MYO1D: variants seen among roughly 807,000 people sequenced by gnomAD.
The protein encoded by MYO1D is myosin ID.
In MYO1D, 83 loss-of-function variants were observed where a neutral mutation model predicts 122.0. The ratio of observed to expected loss-of-function variants is 0.68; its 90% CI spans 0.57 to 0.82. The LOEUF (loss-of-function observed/expected upper bound fraction) is 0.82, where lower values mean the gene tolerates loss of function less well. Ranked by LOEUF, MYO1D falls within the 40% of genes least tolerant of loss-of-function variation. The pLI, the probability that MYO1D is intolerant of heterozygous loss-of-function variation, is 0.00. For missense variants in MYO1D, 1,157 were observed against 1,269.5 expected, an observed-to-expected ratio of 0.91 and a Z score of 1.35; for synonymous variants, 464 against 446.9, an observed-to-expected ratio of 1.04 and a Z score of -0.48.
intron 21 of MYO1D, among the ~76,000 whole-genome samples, chr17:32,511,446 C>A (rs1009441582): frequency 3.3e-5 from 5 of 152,028 alleles, no homozygotes; most frequent in Non-Finnish European, 7.4e-5. Flanking sequence ...CCTGGTCTTG[C>A]CCAGGCTGGT....
At chr17:32,722,734 G>A (rs913617712) in intron 14 of MYO1D, among the ~76,000 whole-genome samples, 1 of 152,132 alleles carries the variant, frequency 6.6e-6, no homozygotes, top group African/African-American at 2.4e-5. Context: ...GGATGACTAT[G>A]GTATAGTAAT....
intron 21 of MYO1D, among the ~76,000 whole-genome samples, chr17:32,564,837 T>C (rs1178944723): frequency 6.6e-6 from 1 of 152,196 alleles, no homozygotes; most frequent in African/African-American, 2.4e-5. Context: ...CCATCAGGCC[T>C]GTCTGCATTT....
In MYO1D at chr17:32,591,462, C is replaced by G. The variant is rs146050731; in HGVS notation, c.2864+13625G>C. Reference sequence around the variant, plus strand: ...GAATGACAGGCGGCTCTTTCTAGGACAAGTGGATGTGGTAAACAGGATCCT... The same window carrying G: ...GAATGACAGGCGGCTCTTTCTAGGAGAAGTGGATGTGGTAAACAGGATCCT... On this transcript the variant is annotated intron_variant, in intron 21 of 21. Coordinates refer to ENST00000318217, the MANE Select transcript of MYO1D (RefSeq NM_015194.3). Among the ~76,000 whole-genome samples, 431 of 152,224 alleles carry G rather than the reference C, an allele frequency of 2.8e-3. 4 individuals carry two copies. The highest frequency in any genetic ancestry group is 2.7e-3 in the Non-Finnish European group (184 of 68,002).
chr17:32,535,918 T>C (rs1221731943), intron 21 of MYO1D, among the ~76,000 whole-genome samples: 1 of 152,242 alleles, frequency 6.6e-6, no homozygotes, highest in Non-Finnish European at 1.5e-5. Flanking sequence ...CTTAACTCTA[T>C]TCCTGCAGAG....
intron 16 of MYO1D, among the ~76,000 whole-genome samples, chr17:32,703,581 AT>A (rs777768302): frequency 2.6e-5 from 4 of 151,862 alleles, no homozygotes; most frequent in African/African-American, 4.8e-5. Context: ...GTGCCTGGCT[AT>A]TGACGATTTT....
At chr17:32,742,940 A>C (rs1253500409) in intron 13 of MYO1D, among the ~76,000 whole-genome samples, 1 of 152,248 alleles carries the variant, frequency 6.6e-6, no homozygotes, top group Non-Finnish European at 1.5e-5. Context: ...TGTTGTCAAG[A>C]GTCCCACTGA....
chr17:32,777,851 A>C (rs1227518635), intron 3 of MYO1D, among the ~76,000 whole-genome samples: 1 of 152,072 alleles, frequency 6.6e-6, no homozygotes, highest in Non-Finnish European at 1.5e-5. Context: ...GGAGAATGGC[A>C]TGAACCCGGG....
At chr17:32,689,807 C>T (rs895492315) in intron 16 of MYO1D, among the ~76,000 whole-genome samples, 1 of 152,044 alleles carries the variant, frequency 6.6e-6, no homozygotes, top group Non-Finnish European at 1.5e-5. Flanking sequence ...CAACCTCTGC[C>T]TCCTGGGTTC....
chr17:32,781,191 ACATTT>A (rs2090233666), intron 1 of MYO1D, among the ~76,000 whole-genome samples: 2 of 152,226 alleles, frequency 1.3e-5, no homozygotes, highest in Admixed American at 1.3e-4. Context: ...ACTGTCATAT[ACATTT>A]ATTTTTTTCT....
intron 21 of MYO1D, among the ~76,000 whole-genome samples, chr17:32,565,029 C>CT (rs140595748): frequency 0.46 from 70,278 of 151,658 alleles, 16,580 homozygotes; most frequent in African/African-American, 0.55. Context: ...TTGGAGATGG[C>CT]TTCTTGCTCT....
chr17:32,544,683 T>C (rs1415604947), intron 21 of MYO1D, among the ~76,000 whole-genome samples: 2 of 152,146 alleles, frequency 1.3e-5, no homozygotes, highest in Non-Finnish European at 2.9e-5. Context: ...TAGGTATACT[T>C]GCATATAGAA....
Position 32,875,297 on chromosome 17 carries a change from T to C in MYO1D, c.95+1481A>G, listed in dbSNP as rs539305039. Among the ~76,000 whole-genome samples, 5 of 152,246 alleles carry C rather than the reference T, an allele frequency of 3.3e-5. No individual in the cohort carries two copies. In the East Asian group the frequency reaches 5.8e-4, roughly 18 times the overall value. ...ACAACCTTAATCTATGAAATTGCTA[T>C]GTAACTTACCCCTTTATCTATTTTA... On this transcript the variant is annotated intron_variant, in intron 1 of 21. Transcript: ENST00000318217.
At position 32,654,588 on chromosome 17, in the gene MYO1D, C is replaced by G. The variant is rs773346958; in HGVS notation, c.2379G>C (p.Pro793=). 1.2e-6 allele frequency: 2 copies of G among 1,613,214 alleles called. No individual in the cohort carries two copies. Among genetic ancestry groups the G allele is most frequent in the South Asian group, 1.1e-5 (1 of 90,944 alleles). The change falls in exon 18 of 22, where the codon CCG becomes CCC. Residue 793 remains proline, a synonymous_variant. Coordinates refer to ENST00000318217, the MANE Select transcript of MYO1D (RefSeq NM_015194.3). Reference sequence around the variant, plus strand: ...CCCTGACCTGGGGCAGGTCTGAGGCCGGAATGCTCTTGATGAGCTGGGATG... The same window carrying G: ...CCCTGACCTGGGGCAGGTCTGAGGCGGGAATGCTCTTGATGAGCTGGGATG... ...WRASQLIKSI[P]ASDLPQVRAK...
At chr17:32,727,835 A>T (rs182616910) in intron 14 of MYO1D, among the ~76,000 whole-genome samples, 1 of 152,222 alleles carries the variant, frequency 6.6e-6, no homozygotes, top group Non-Finnish European at 1.5e-5. Context: ...ATATAGAAAG[A>T]TTGAAAGTAA....
At chr17:32,799,117 A>T (rs1251470002) in intron 1 of MYO1D, among the ~76,000 whole-genome samples, 1 of 152,224 alleles carries the variant, frequency 6.6e-6, no homozygotes, top group African/African-American at 2.4e-5. Flanking sequence ...AGTATTTTCT[A>T]TACTCAGGAA....
At chr17:32,791,915 G>A (rs1010396330) in intron 1 of MYO1D, among the ~76,000 whole-genome samples, 1 of 152,126 alleles carries the variant, frequency 6.6e-6, no homozygotes, top group African/African-American at 2.4e-5. Context: ...CTGGTTTCCT[G>A]TGAATTCATT....
chr17:32,712,272 A>G, intron 15 of MYO1D, 77 bp from the exon 16 acceptor site: 1 of 1,329,314 alleles, frequency 7.5e-7, no homozygotes, highest in African/African-American at 1.5e-5. Context: ...AATAAAATGC[A>G]AGACACCTCA....
intron 19 of MYO1D, among the ~76,000 whole-genome samples, chr17:32,640,918 T>C (rs989263768): frequency 1.1e-4 from 17 of 151,906 alleles, no homozygotes; most frequent in African/African-American, 3.9e-4. Flanking sequence ...TTAAAATTTA[T>C]TTTATTATTT....
chr17:32,784,228 G>C (rs564694407), intron 1 of MYO1D, among the ~76,000 whole-genome samples: 2 of 152,220 alleles, frequency 1.3e-5, no homozygotes, highest in African/African-American at 4.8e-5. Flanking sequence ...TGTTGCTCTT[G>C]TTCTCATTAA....
Sources: gnomAD v4.1 joint callset for allele counts (sites outside exome capture counted in the v4.1 genomes callset) on GRCh38, gnomAD v4.1.1 for gene constraint, MANE v1.5 for transcripts, NCBI Gene and HGNC (gene_info 2026-07-23, HGNC 2026-07-21) for gene names.